GSAP: variants seen among roughly 807,000 people sequenced by gnomAD.
GSAP encodes the protein gamma-secretase-activating protein.
Under a neutral mutation model 131.7 loss-of-function variants are expected in GSAP, and 118 were observed. The observed-to-expected ratio is 0.90, with a 90% CI of 0.77 to 1.04. The LOEUF is 1.04. Among genes scored for constraint, GSAP ranks in the 50% least tolerant of loss-of-function variants. GSAP has a pLI of 0.00. For missense variants in GSAP, 1,019 were observed against 1,013.2 expected, an observed-to-expected ratio of 1.01 and a Z score of -0.08; for synonymous variants, 381 against 363.4, an observed-to-expected ratio of 1.05 and a Z score of -0.55.
chr7:77,415,130 T>G (rs1276532495), intron 1 of GSAP, among the ~76,000 whole-genome samples: 1 of 152,194 alleles, frequency 6.6e-6, no homozygotes, highest in African/African-American at 2.4e-5. Context: ...TACACAAACA[T>G]ATAACTCCTT....
At chr7:77,351,840 G>A (rs1469950901) in intron 18 of GSAP, among the ~76,000 whole-genome samples, 1 of 152,208 alleles carries the variant, frequency 6.6e-6, no homozygotes, top group African/African-American at 2.4e-5. Context: ...TAACAGCAGG[G>A]GGTTGGTAAG....
intron 26 of GSAP, chr7:77,315,776 TC>T (rs1484685372): frequency 1.3e-5 from 2 of 152,118 alleles, no homozygotes; most frequent in Non-Finnish European, 2.9e-5. Flanking sequence ...TGGGTTGGAA[TC>T]ATATTAGAGG....
At chr7:77,330,573 CTTTTTTTTTT>C (rs750457611) in intron 19 of GSAP, 62 of 762,558 alleles carry the variant, frequency 8.1e-5, no homozygotes, top group Non-Finnish European at 9.1e-5. Context: ...TTTTCTGTCT[CTTTTTTTTTT>C]TTTTTTTTTT....
chr7:77,416,509 C>T, upstream of GSAP: 1 of 409,648 alleles, frequency 2.4e-6, no homozygotes, highest in Non-Finnish European at 4.3e-6. Flanking sequence ...GCCGGCGGCC[C>T]GCACCTGAGC....
chr7:77,402,012 T>C (rs995655343), intron 3 of GSAP, among the ~76,000 whole-genome samples: 4 of 152,164 alleles, frequency 2.6e-5, no homozygotes, highest in African/African-American at 9.7e-5. Context: ...TAATATATTA[T>C]CCTATAGTTA....
intron 5 of GSAP, among the ~76,000 whole-genome samples, chr7:77,388,999 G>A (rs2151081008): frequency 6.6e-6 from 1 of 152,246 alleles, no homozygotes; most frequent in African/African-American, 2.4e-5. Context: ...CAAGGGTATG[G>A]ATGAGTTACT....
At chr7:77,362,885 A>G (rs1378848812) in intron 12 of GSAP, among the ~76,000 whole-genome samples, 2 of 152,230 alleles carry the variant, frequency 1.3e-5, no homozygotes, top group Non-Finnish European at 2.9e-5. Context: ...CAGGCTATTG[A>G]AGGATAGGAA....
rs187646104 is a variant in GSAP at position 77,348,610 on chromosome 7, A to G, written c.1545+741T>C. Among the ~76,000 whole-genome samples the G allele has an allele frequency of 1.7e-3, 254 of 152,350 alleles. 1 individual carries two copies. Among genetic ancestry groups the G allele is most frequent in the Non-Finnish European group, 2.7e-3 (182 of 68,032 alleles). ...GAGATTTCCCAGTCTACCTCAAGCTATGATTAACAGGAGGCAATGCTAAAT... is the reference window on the plus strand; with the variant it reads ...GAGATTTCCCAGTCTACCTCAAGCTGTGATTAACAGGAGGCAATGCTAAAT... On this transcript the variant is annotated intron_variant, in intron 19 of 30. Coordinates refer to ENST00000257626, the MANE Select transcript of GSAP (RefSeq NM_017439.4).
chr7:77,360,177 G>A (rs544337874), intron 14 of GSAP, among the ~76,000 whole-genome samples: 1 of 152,286 alleles, frequency 6.6e-6, no homozygotes, highest in African/African-American at 2.4e-5. Flanking sequence ...TAAAGGAAAT[G>A]TTCCATATGC....
intron 25 of GSAP, among the ~76,000 whole-genome samples, chr7:77,321,030 G>A (rs534032589): frequency 6.6e-6 from 1 of 152,330 alleles, no homozygotes; most frequent in African/African-American, 2.4e-5. Context: ...ATTGTATTAA[G>A]TGAAATTCCC....
chr7:77,358,016 T>C (rs568669982), intron 14 of GSAP, among the ~76,000 whole-genome samples: 96 of 152,328 alleles, frequency 6.3e-4, no homozygotes, highest in Middle Eastern at 3.4e-3. Context: ...ACAATTACTA[T>C]TTGTCAGTTA....
intron 12 of GSAP, among the ~76,000 whole-genome samples, chr7:77,365,420 T>C (rs983966281): frequency 1.3e-5 from 2 of 152,166 alleles, no homozygotes; most frequent in Non-Finnish European, 2.9e-5. Flanking sequence ...CAGTGTCTGT[T>C]GTTCCCTTGT....
intron 19 of GSAP, among the ~76,000 whole-genome samples, chr7:77,339,885 G>A (rs1471737742): frequency 2.6e-5 from 4 of 152,102 alleles, no homozygotes; most frequent in Non-Finnish European, 5.9e-5. Context: ...GTTGATAAGG[G>A]TATAGTAAAA....
At chr7:77,384,606 T>C in intron 6 of GSAP, among the ~76,000 whole-genome samples, 1 of 152,078 alleles carries the variant, frequency 6.6e-6, no homozygotes, top group East Asian at 1.9e-4. Context: ...AATTACCCAC[T>C]GGAACTATCT....
At chr7:77,405,540 A>G (rs934027970) in intron 2 of GSAP, among the ~76,000 whole-genome samples, 1 of 151,502 alleles carries the variant, frequency 6.6e-6, no homozygotes, top group African/African-American at 2.4e-5. Flanking sequence ...ATTTAAAAAA[A>G]TTTTTTTTTC....
intron 26 of GSAP, among the ~76,000 whole-genome samples, chr7:77,319,450 T>C (rs776681310): frequency 1.3e-5 from 2 of 152,182 alleles, no homozygotes; most frequent in Non-Finnish European, 2.9e-5. Context: ...TTGGTGGGAA[T>C]GTAAAGTGGT....
intron 18 of GSAP, chr7:77,351,265 T>C (rs902326664): frequency 3.5e-5 from 34 of 960,286 alleles, no homozygotes; most frequent in Middle Eastern, 5.3e-4. Context: ...TGGTTATAAA[T>C]AGCATTTTAA....
Position 77,376,619 on chromosome 7 carries a change from CA to C in GSAP, c.741+228del, listed in dbSNP as rs1275477345. ...TGAAGCCCTGTCTCTACAAAAAATA[CA>C]AAAAAAATTATCTGGTCGTGGTGGC... is the stretch of plus-strand genomic sequence containing the variant. On this transcript the variant is annotated intron_variant, in intron 10 of 30. Transcript: ENST00000257626. Among the ~76,000 whole-genome samples the C allele has an allele frequency of 5.9e-5, 9 of 151,350 alleles. No homozygotes were observed. The East Asian group carries it at 1.7e-3, about 29-fold the overall frequency.
intron 1 of GSAP, 134 bp downstream of exon 1, chr7:77,416,079 G>T: frequency 1.9e-6 from 1 of 516,764 alleles, no homozygotes; most frequent in Non-Finnish European, 3.3e-6. Flanking sequence ...CCTCTGAGGA[G>T]GGGAGCGACG....
Sources: allele counts gnomAD v4.1 joint callset (sites outside exome capture counted in the v4.1 genomes callset), GRCh38; gene constraint gnomAD v4.1.1; transcripts MANE v1.5; gene names NCBI Gene and HGNC (gene_info 2026-07-23, HGNC 2026-07-21).